The following RPTOR variants were observed in gnomAD, a reference collection of about 807,000 sequenced individuals.
RPTOR encodes regulatory-associated protein of mTOR.
A neutral mutation model predicts 169.9 loss-of-function variants in RPTOR; 21 were observed. That is an observed-to-expected ratio of 0.12 (90% CI 0.09 to 0.18). The LOEUF is 0.18. RPTOR is among the 10% of genes least tolerant of loss of function. The pLI is 1.00. For missense variants in RPTOR, 1,133 were observed against 1,855.9 expected (o/e 0.61, Z 7.16); for synonymous variants, 732 against 753.2 (o/e 0.97, Z 0.46).
At chr17:80,727,002 AGCGT>A (rs1217357572) in intron 4 of RPTOR, among the ~76,000 whole-genome samples, 2 of 152,136 alleles carry the variant, frequency 1.3e-5, no homozygotes, top group Non-Finnish European at 2.9e-5. Context: ...TCCAGGAGGA[AGCGT>A]GCTCAAGTGC....
chr17:80,565,238 C>T lies in RPTOR; in HGVS notation c.162+19447C>T, dbSNP rs554805864. Among the ~76,000 whole-genome samples, 317 of 152,272 alleles carry T rather than the reference C, an allele frequency of 2.1e-3. 2 individuals are homozygous for T. The highest frequency in any genetic ancestry group is 7.4e-3 in the African/African-American group (307 of 41,550). On this transcript the variant is annotated intron_variant, in intron 1 of 33. Transcript: ENST00000306801. ...ACCCTTGAGACTTGTACAGATAATA[C>T]TAGGAAGTGTCTCTTACATGGGAGA...
At chr17:80,822,701 TG>T (rs879332847) in intron 8 of RPTOR, among the ~76,000 whole-genome samples, 1 of 152,224 alleles carries the variant, frequency 6.6e-6, no homozygotes, top group Non-Finnish European at 1.5e-5. Context: ...ATATGTGCAC[TG>T]TGTGTGTACA....
chr17:80,712,148 C>T (rs889951564), intron 4 of RPTOR, among the ~76,000 whole-genome samples: 1 of 151,954 alleles, frequency 6.6e-6, no homozygotes. Flanking sequence ...CCTCATTTTC[C>T]TCTATTGTTA....
At chr17:80,564,165 T>C (rs10871510) in intron 1 of RPTOR, among the ~76,000 whole-genome samples, 92,611 of 151,670 alleles carry the variant, frequency 0.61, 29,172 homozygotes, top group Middle Eastern at 0.71. Context: ...CGAGTTCACG[T>C]CATTCTCCTG....
At chr17:80,854,354 G>A (rs1033602182) in intron 11 of RPTOR, among the ~76,000 whole-genome samples, 5 of 152,220 alleles carry the variant, frequency 3.3e-5, no homozygotes, top group African/African-American at 9.6e-5. Flanking sequence ...AAGGCTCAGC[G>A]ACGTTAACTT....
In RPTOR at chr17:80,729,977, G is replaced by A. The variant is rs746066193; in HGVS notation, c.508-583G>A. ...GTGAAAACTGAGACAAGTTTAAGGA[G>A]TTGACCAGCAGCTGAACCCAGCGGC... On this transcript the variant is annotated intron_variant, in intron 4 of 33. Coordinates refer to ENST00000306801, the MANE Select transcript of RPTOR (RefSeq NM_020761.3). Among the ~76,000 whole-genome samples the A allele has an allele frequency of 2.6e-5, 4 of 152,352 alleles. No homozygotes were observed. The South Asian group carries it at 6.2e-4, about 24-fold the overall frequency.
At chr17:80,956,107 A>G (rs1382043240) in intron 28 of RPTOR, among the ~76,000 whole-genome samples, 2 of 152,224 alleles carry the variant, frequency 1.3e-5, no homozygotes, top group African/African-American at 4.8e-5. Context: ...GAGCGTGCGT[A>G]AGCAGGAAAA....
At chr17:80,710,489 C>T (rs2066179125) in intron 4 of RPTOR, among the ~76,000 whole-genome samples, 2 of 151,520 alleles carry the variant, frequency 1.3e-5, no homozygotes, top group African/African-American at 4.9e-5. Context: ...TCACCATTAT[C>T]GAATTAAGAA....
intron 5 of RPTOR, among the ~76,000 whole-genome samples, chr17:80,752,725 T>C (rs1316318692): frequency 5.3e-5 from 8 of 152,224 alleles, no homozygotes; most frequent in Non-Finnish European, 1.2e-4. Context: ...CTGTGGTTTT[T>C]TGGTAAAACA....
chr17:80,627,392 C>T (rs1292907677), intron 2 of RPTOR, among the ~76,000 whole-genome samples: 4 of 152,216 alleles, frequency 2.6e-5, no homozygotes, highest in African/African-American at 4.8e-5. Context: ...CAAATATGTA[C>T]AGCCATGTAA....
chr17:80,950,835 T>A (rs936142937), intron 28 of RPTOR, among the ~76,000 whole-genome samples: 1 of 152,236 alleles, frequency 6.6e-6, no homozygotes, highest in Non-Finnish European at 1.5e-5. Context: ...AGATCACTGT[T>A]TGATAGGCTT....
At chr17:80,864,953 G>T (rs181772243) in intron 13 of RPTOR, among the ~76,000 whole-genome samples, 1 of 152,136 alleles carries the variant, frequency 6.6e-6, no homozygotes, top group Non-Finnish European at 1.5e-5. Context: ...TCAGCCTCCC[G>T]AGTAGCCGGG....
At chr17:80,579,555 G>A (rs1242028941) in intron 1 of RPTOR, among the ~76,000 whole-genome samples, 1 of 152,198 alleles carries the variant, frequency 6.6e-6, no homozygotes, top group African/African-American at 2.4e-5. Context: ...CTGAAGCCCA[G>A]AGAAGCCCAC....
At chr17:80,639,899 C>G (rs2065539248) in intron 2 of RPTOR, among the ~76,000 whole-genome samples, 1 of 152,232 alleles carries the variant, frequency 6.6e-6, no homozygotes, top group South Asian at 2.1e-4. Context: ...TGCACCCCTT[C>G]AGGTTGGCTG....
chr17:80,688,336 A>G (rs2065964620), intron 3 of RPTOR, among the ~76,000 whole-genome samples: 1 of 152,240 alleles, frequency 6.6e-6, no homozygotes. Flanking sequence ...AGACTTTGCT[A>G]AAGTCACAAA....
intron 3 of RPTOR, among the ~76,000 whole-genome samples, chr17:80,666,890 G>A (rs764097085): frequency 3.9e-5 from 6 of 152,154 alleles, no homozygotes; most frequent in Admixed American, 1.3e-4. Flanking sequence ...ATTACTGCCC[G>A]TGTCCTCTGA....
chr17:80,811,044 T>C (rs1468474616), intron 7 of RPTOR, among the ~76,000 whole-genome samples: 1 of 152,248 alleles, frequency 6.6e-6, no homozygotes, highest in Non-Finnish European at 1.5e-5. Context: ...TTGACTTCTT[T>C]ATTTCCGATG....
At chr17:80,591,955 T>G (rs2065110980) in intron 1 of RPTOR, among the ~76,000 whole-genome samples, 1 of 152,224 alleles carries the variant, frequency 6.6e-6, no homozygotes, top group South Asian at 2.1e-4. Flanking sequence ...TTGCTTTCAT[T>G]CTGTCAGCTT....
intron 1 of RPTOR, among the ~76,000 whole-genome samples, chr17:80,611,810 CT>C (rs1255418038): frequency 6.9e-6 from 1 of 144,706 alleles, no homozygotes; most frequent in Non-Finnish European, 1.5e-5. Context: ...TTTCTTTAGT[CT>C]TTTCTAAATG....
Sources: gnomAD v4.1 joint callset for allele counts (sites outside exome capture counted in the v4.1 genomes callset) on GRCh38, gnomAD v4.1.1 for gene constraint, MANE v1.5 for transcripts, NCBI Gene and HGNC (gene_info 2026-07-23, HGNC 2026-07-21) for gene names.